Variants in WDR37 observed in about 807,000 individuals in gnomAD.
WDR37 encodes the protein WD repeat-containing protein 37.
In WDR37, 19 loss-of-function variants were observed where a neutral mutation model predicts 62.9. The ratio of observed to expected loss-of-function variants is 0.30; its 90% CI spans 0.21 to 0.44. The LOEUF is 0.44. WDR37 is among the 20% of genes least tolerant of loss of function. The probability of loss-of-function intolerance (pLI) is 1.00; values close to 1 mark genes in which losing one functional copy is unlikely to be tolerated. For synonymous variants in WDR37, 250 were observed against 260.9 expected, an observed-to-expected ratio of 0.96 and a Z score of 0.40; for missense variants, 474 against 657.6, an observed-to-expected ratio of 0.72 and a Z score of 3.05.
At chr10:1,093,698 G>A (rs1033164697) in intron 8 of WDR37, among the ~76,000 whole-genome samples, 1 of 152,166 alleles carries the variant, frequency 6.6e-6, no homozygotes, top group Non-Finnish European at 1.5e-5. Context: ...ATAAGCAGTT[G>A]GATTTATTGT....
At chr10:1,072,042 A>G (rs1833747192) in intron 1 of WDR37, 74 bp from the exon 2 acceptor site, 2 of 1,209,780 alleles carry the variant, frequency 1.7e-6, no homozygotes, top group Admixed American at 2.7e-5. Context: ...AGAAGTCATC[A>G]TTATCTTCTT....
intron 3 of WDR37, 103 bp downstream of exon 3, chr10:1,078,106 C>T: frequency 1.2e-6 from 1 of 839,216 alleles, no homozygotes; most frequent in Non-Finnish European, 1.8e-6. Flanking sequence ...TCTGCTGTAG[C>T]AAACTTAAAC....
intron 5 of WDR37, 65 bp downstream of exon 5, chr10:1,080,541 G>A: frequency 6.5e-7 from 1 of 1,546,702 alleles, no homozygotes; most frequent in Non-Finnish European, 8.8e-7. Flanking sequence ...TGTACTTTAA[G>A]TTGTTTATTT....
intron 7 of WDR37, 24 bp downstream of exon 7, chr10:1,086,381 G>A (rs376883804): frequency 2.9e-5 from 46 of 1,593,798 alleles, no homozygotes; most frequent in Non-Finnish European, 3.6e-5. Context: ...AAGGAGTGCC[G>A]TAGCCAGAGG....
chr10:1,094,402 C>T (rs1373957882), intron 8 of WDR37, among the ~76,000 whole-genome samples: 1 of 152,134 alleles, frequency 6.6e-6, no homozygotes, highest in African/African-American at 2.4e-5. Context: ...TAAGAAGGAG[C>T]CCCAGCAACA....
chr10:1,109,800 G>A (rs1043045435), intron 11 of WDR37, among the ~76,000 whole-genome samples: 3 of 152,230 alleles, frequency 2.0e-5, no homozygotes, highest in African/African-American at 7.2e-5. Flanking sequence ...TTAGAGAGCT[G>A]TACTTATGAA....
chr10:1,099,565 T>C (rs912911321), intron 9 of WDR37, among the ~76,000 whole-genome samples: 2 of 152,260 alleles, frequency 1.3e-5, no homozygotes, highest in Non-Finnish European at 1.5e-5. Context: ...TTTAACTGCA[T>C]GTATTGTGTA....
chr10:1,057,185 C>G (rs1461917260), intron 1 of WDR37, among the ~76,000 whole-genome samples: 1 of 151,824 alleles, frequency 6.6e-6, no homozygotes, highest in African/African-American at 2.4e-5. Flanking sequence ...GGCCGTGGTG[C>G]AGAAGGGTTC....
intron 9 of WDR37, among the ~76,000 whole-genome samples, chr10:1,102,076 T>TG (rs1834830284): frequency 7.3e-6 from 1 of 136,432 alleles, no homozygotes; most frequent in African/African-American, 2.8e-5. Context: ...ATGTGACATG[T>TG]TTCCGTGCTG....
rs542568093 is a variant in WDR37, at chr10:1,108,091, T to G, written c.1103+2824T>G. On this transcript the variant is annotated intron_variant, in intron 11 of 13. Transcript: ENST00000263150. ...GAAAGGAAAACTCCAGCATGCATTT[T>G]CTAAGAATAAGGATGTTCTCCTAAT... Among the ~76,000 whole-genome samples the G allele has an allele frequency of 1.8e-3, 271 of 152,378 alleles. 2 individuals carry two copies. The highest frequency in any genetic ancestry group is 6.4e-3 in the African/African-American group (266 of 41,596).
Position 1,124,971 on chromosome 10 carries a change from C to G in WDR37, c.1300C>G (p.Leu434Val), listed in dbSNP as rs1835695390. 1.9e-6 allele frequency: 3 copies of G among 1,614,116 alleles called. No homozygotes were observed. Among genetic ancestry groups the G allele is most frequent in the Non-Finnish European group, 2.5e-6 (3 of 1,180,046 alleles). Residue 434 changes from leucine to valine, a missense_variant, in exon 13 of 14, where the codon CTG becomes GTG. Physicochemically the swap from Leu to Val is conservative, Grantham distance 32. Coordinates refer to ENST00000263150, the MANE Select transcript of WDR37 (RefSeq NM_014023.4). The stretch of plus-strand genomic sequence containing the variant: ...CCCCCATGACAACCGACAAGTGAGA[C>G]TGTTTGATATGTCAGGAGTGCGCCT... ...ALPHDNRQVR[L>V]FDMSGVRLAR...
intron 7 of WDR37, among the ~76,000 whole-genome samples, chr10:1,091,704 A>G (rs1335369118): frequency 6.6e-6 from 1 of 152,128 alleles, no homozygotes. Context: ...TGCTTTGGGA[A>G]CATCCCAGGT....
chr10:1,080,220 C>CT, intron 4 of WDR37, 114 bp downstream of exon 4: 1 of 1,311,052 alleles, frequency 7.6e-7, no homozygotes, highest in Non-Finnish European at 1.1e-6. Context: ...CTCGAACTAT[C>CT]TAATTCAGGT....
At chr10:1,107,125 A>G (rs990731598) in intron 11 of WDR37, among the ~76,000 whole-genome samples, 1 of 152,238 alleles carries the variant, frequency 6.6e-6, no homozygotes, top group African/African-American at 2.4e-5. Context: ...GCTCCGCCAC[A>G]TGGGCCTGAC....
intron 11 of WDR37, among the ~76,000 whole-genome samples, chr10:1,117,591 AG>A (rs1239076335): frequency 2.6e-5 from 4 of 152,338 alleles, no homozygotes; most frequent in Admixed American, 2.6e-4. Flanking sequence ...GACAGCCATC[AG>A]GCTATTGACA....
intron 8 of WDR37, among the ~76,000 whole-genome samples, chr10:1,095,288 TG>T (rs1174850617): frequency 7.2e-6 from 1 of 138,232 alleles, no homozygotes; most frequent in African/African-American, 2.9e-5. Context: ...CTGGAGGTAA[TG>T]GGCATAGAGA....
At chr10:1,057,743 A>AT (rs1421445534) in intron 1 of WDR37, among the ~76,000 whole-genome samples, 15 of 152,250 alleles carry the variant, frequency 9.9e-5, no homozygotes, top group South Asian at 6.2e-4. Context: ...GTTTTTAGAG[A>AT]TTTTGTCATT....
chr10:1,128,938 G>A (rs757138658), intron 13 of WDR37, among the ~76,000 whole-genome samples: 1 of 151,176 alleles, frequency 6.6e-6, no homozygotes, highest in Non-Finnish European at 1.5e-5. Flanking sequence ...TGGGGTGCTC[G>A]GTGGTCCGTG....
chr10:1,119,738 C>T (rs1352654129), intron 11 of WDR37, among the ~76,000 whole-genome samples: 1 of 152,248 alleles, frequency 6.6e-6, no homozygotes, highest in Non-Finnish European at 1.5e-5. Context: ...GACTTTACCT[C>T]CTCCTCTTCT....
Sources: allele counts gnomAD v4.1 joint callset (sites outside exome capture counted in the v4.1 genomes callset), GRCh38; gene constraint gnomAD v4.1.1; transcripts MANE v1.5; gene names NCBI Gene and HGNC (gene_info 2026-07-23, HGNC 2026-07-21).